PDE8B: variants seen among roughly 807,000 people sequenced by gnomAD.
The protein encoded by PDE8B is high affinity cAMP-specific and IBMX-insensitive 3',5'-cyclic phosphodiesterase 8B.
Under a neutral mutation model 101.3 loss-of-function variants are expected in PDE8B, and 26 were observed. The observed-to-expected ratio is 0.26, with a 90% confidence interval of 0.19 to 0.36. PDE8B has a LOEUF of 0.36. PDE8B is among the 10% of genes least tolerant of loss of function. The pLI, the probability that PDE8B is intolerant of heterozygous loss-of-function variation, is 1.00. For synonymous variants in PDE8B, 424 were observed against 429.3 expected, an observed-to-expected ratio of 0.99 and a Z score of 0.15; for missense variants, 810 against 1,163.1, an observed-to-expected ratio of 0.70 and a Z score of 4.42.
At chr5:77,288,976 A>G (rs559747584) in intron 1 of PDE8B, among the ~76,000 whole-genome samples, 1 of 152,210 alleles carries the variant, frequency 6.6e-6, no homozygotes, top group East Asian at 1.9e-4. Flanking sequence ...ATGCAGCCAC[A>G]ACCACATATG....
At chr5:77,209,248 T>C (rs1747788743), upstream of PDE8B, among the ~76,000 whole-genome samples, 1 of 152,176 alleles carries the variant, frequency 6.6e-6, no homozygotes, top group South Asian at 2.1e-4. Flanking sequence ...TCTCCCTGTA[T>C]AACTGAATTT....
At chr5:77,390,195 T>C (rs1270426028) in intron 10 of PDE8B, among the ~76,000 whole-genome samples, 3 of 152,166 alleles carry the variant, frequency 2.0e-5, no homozygotes, top group Non-Finnish European at 4.4e-5. Flanking sequence ...TACACACAAA[T>C]ACCTAACTCA....
chr5:77,160,343 C>T, the PDE8B span, among the ~76,000 whole-genome samples: 1 of 152,130 alleles, frequency 6.6e-6, no homozygotes, highest in African/African-American at 2.4e-5. Flanking sequence ...TGCACGTACT[C>T]GAGTCCCACA....
intron 11 of PDE8B, 115 bp downstream of exon 11, chr5:77,400,405 T>TA (rs1792017002): frequency 2.6e-6 from 2 of 766,544 alleles, no homozygotes; most frequent in East Asian, 5.0e-5. Flanking sequence ...TGTGGAGTGC[T>TA]AAAATCCACG....
At chr5:77,155,950 T>A in the PDE8B span, among the ~76,000 whole-genome samples, 1 of 152,218 alleles carries the variant, frequency 6.6e-6, no homozygotes, top group Non-Finnish European at 1.5e-5. Context: ...CTCTCTGCTG[T>A]CAGCTAAGTA....
At chr5:77,314,004 T>C (rs558479844) in intron 2 of PDE8B, among the ~76,000 whole-genome samples, 19 of 152,214 alleles carry the variant, frequency 1.2e-4, no homozygotes, top group Non-Finnish European at 2.4e-4. Flanking sequence ...TTGTAAACAT[T>C]TACTTCTTTG....
chr5:77,278,621 C>T (rs1404186796), intron 1 of PDE8B, among the ~76,000 whole-genome samples: 1 of 152,114 alleles, frequency 6.6e-6, no homozygotes. Context: ...AGGCACCTGC[C>T]ACCACGCCCG....
At chr5:77,319,468 A>T (rs1191528972) in intron 2 of PDE8B, among the ~76,000 whole-genome samples, 1 of 152,230 alleles carries the variant, frequency 6.6e-6, no homozygotes, top group African/African-American at 2.4e-5. Flanking sequence ...GCAAAAATAG[A>T]TCATTGAAAG....
chr5:77,273,527 T>C (rs897849342), intron 1 of PDE8B, among the ~76,000 whole-genome samples: 1 of 152,144 alleles, frequency 6.6e-6, no homozygotes, highest in Non-Finnish European at 1.5e-5. Flanking sequence ...TAGGTAGAGA[T>C]GACTTTAAAC....
chr5:77,295,935 C>T (rs138752019), intron 1 of PDE8B, among the ~76,000 whole-genome samples: 2 of 152,176 alleles, frequency 1.3e-5, no homozygotes, highest in Non-Finnish European at 2.9e-5. Context: ...TTTTGATAAA[C>T]AGTGAGAATA....
intron 6 of PDE8B, among the ~76,000 whole-genome samples, chr5:77,338,158 T>C (rs1316763713): frequency 6.6e-6 from 1 of 152,218 alleles, no homozygotes; most frequent in African/African-American, 2.4e-5. Context: ...GACTGAGAAG[T>C]CATGCATAGT....
chr5:77,342,497 A>G (rs2150373937), intron 6 of PDE8B, among the ~76,000 whole-genome samples: 1 of 150,078 alleles, frequency 6.7e-6, no homozygotes, highest in Middle Eastern at 3.5e-3. Context: ...GAGTGGAAAA[A>G]AATAACATTT....
chr5:77,172,847 C>T, the PDE8B span, among the ~76,000 whole-genome samples: 1 of 152,186 alleles, frequency 6.6e-6, no homozygotes, highest in Non-Finnish European at 1.5e-5. Context: ...GACTTTTCCA[C>T]TTGTTTACTT....
At chr5:77,240,198 G>A (rs898719778) in intron 1 of PDE8B, among the ~76,000 whole-genome samples, 7 of 152,062 alleles carry the variant, frequency 4.6e-5, no homozygotes, top group Admixed American at 4.6e-4. Context: ...CTATTGCCCA[G>A]GCTGGAGTGC....
At chr5:77,331,811 A>T (rs550804664) in intron 5 of PDE8B, among the ~76,000 whole-genome samples, 1 of 152,208 alleles carries the variant, frequency 6.6e-6, no homozygotes, top group South Asian at 2.1e-4. Context: ...TCATACATAG[A>T]TACATCCACC....
At chr5:77,144,134 A>C in the PDE8B span, 2 of 152,062 alleles carry the variant, frequency 1.3e-5, no homozygotes, top group African/African-American at 4.8e-5. Flanking sequence ...GTCCAGGAGG[A>C]GGGTAGTGTC....
At chr5:77,318,055 CAAAAAAA>C (rs55952764) in intron 2 of PDE8B, among the ~76,000 whole-genome samples, 2 of 57,190 alleles carry the variant, frequency 3.5e-5, no homozygotes, top group Non-Finnish European at 6.4e-5. Flanking sequence ...GACTCCATCT[CAAAAAAA>C]AAAAAAAAAA....
intron 1 of PDE8B, among the ~76,000 whole-genome samples, chr5:77,248,443 T>TTTGTTG (rs147737507): frequency 3.3e-5 from 5 of 151,996 alleles, no homozygotes; most frequent in Non-Finnish European, 4.4e-5. Context: ...TAAATTAGTT[T>TTTGTTG]TTGTTGTTGT....
the PDE8B span, among the ~76,000 whole-genome samples, chr5:77,199,863 G>T: frequency 1.3e-5 from 2 of 152,084 alleles, no homozygotes; most frequent in African/African-American, 2.4e-5. Flanking sequence ...TTATTTTTCT[G>T]CCAGTATTTT....
Sources: allele counts gnomAD v4.1 joint callset (sites outside exome capture counted in the v4.1 genomes callset), GRCh38; gene constraint gnomAD v4.1.1; transcripts MANE v1.5; gene names NCBI Gene and HGNC (gene_info 2026-07-23, HGNC 2026-07-21).